PLCG2: variants seen among roughly 807,000 people sequenced by gnomAD.
PLCG2 encodes phospholipase C gamma 2.
PLCG2 carries 69 observed loss-of-function variants against 175.6 expected under a neutral mutation model. The ratio of observed to expected loss-of-function variants is 0.39; its 90% CI spans 0.32 to 0.48. PLCG2 has a LOEUF of 0.48. PLCG2 is among the 20% of genes least tolerant of loss of function. The pLI is 0.91. For missense variants in PLCG2, 1,798 were observed against 1,650.9 expected, an observed-to-expected ratio of 1.09 and a Z score of -1.54; for synonymous variants, 827 against 624.0, an observed-to-expected ratio of 1.33 and a Z score of -4.85.
At chr16:81,951,684 A>C (rs1255010823) in intron 31 of PLCG2, among the ~76,000 whole-genome samples, 1 of 152,246 alleles carries the variant, frequency 6.6e-6, no homozygotes, top group Non-Finnish European at 1.5e-5. Flanking sequence ...TAAACTTCAA[A>C]AAATAGCAAA....
intron 14 of PLCG2, among the ~76,000 whole-genome samples, chr16:81,903,919 G>A (rs184364683): frequency 2.9e-4 from 44 of 152,312 alleles, no homozygotes; most frequent in South Asian, 2.1e-4. Flanking sequence ...TGGAAATAGC[G>A]TTGGCCACAC....
At chr16:81,875,474 A>G (rs907263303) in intron 7 of PLCG2, among the ~76,000 whole-genome samples, 2 of 152,156 alleles carry the variant, frequency 1.3e-5, no homozygotes, top group African/African-American at 2.4e-5. Flanking sequence ...TTAATTTTTG[A>G]ATCCTTTGTA....
At chr16:81,859,728 G>A (rs977699567) in intron 5 of PLCG2, among the ~76,000 whole-genome samples, 5 of 152,160 alleles carry the variant, frequency 3.3e-5, no homozygotes, top group Admixed American at 6.5e-5. Context: ...AGTAGAGACA[G>A]GGTTTCACCA....
chr16:81,867,797 A>C (rs985799974), intron 5 of PLCG2, among the ~76,000 whole-genome samples: 2 of 151,660 alleles, frequency 1.3e-5, no homozygotes, highest in African/African-American at 4.8e-5. Context: ...TCCCGAATTC[A>C]CGCCATTCTT....
chr16:81,900,551 T>C, intron 13 of PLCG2, 61 bp from the exon 14 acceptor site: 1 of 1,461,344 alleles, frequency 6.8e-7, no homozygotes. Flanking sequence ...GGCCCCTCTG[T>C]GGGGCAGATG....
intron 2 of PLCG2, among the ~76,000 whole-genome samples, chr16:81,799,629 C>G (rs562579054): frequency 7.1e-6 from 1 of 139,974 alleles, no homozygotes; most frequent in Non-Finnish European, 1.5e-5. Context: ...GACAGAGTCT[C>G]GCTCTATTGC....
chr16:81,828,235 ATTTTTTTTT>A (rs67992648), intron 2 of PLCG2, among the ~76,000 whole-genome samples: 21 of 59,370 alleles, frequency 3.5e-4, no homozygotes, highest in Admixed American at 3.0e-3. Flanking sequence ...GAGAAATGTC[ATTTTTTTTT>A]TTTTTTTTTT....
At chr16:81,935,993 A>G (rs1309008986) in intron 26 of PLCG2, 176 bp from the exon 27 acceptor site, 2 of 985,222 alleles carry the variant, frequency 2.0e-6, no homozygotes, top group African/African-American at 3.5e-5. Flanking sequence ...GAACCCCCAG[A>G]GGGCAAGAGT....
At chr16:81,840,787 C>T (rs1905780843) in intron 2 of PLCG2, among the ~76,000 whole-genome samples, 4 of 152,178 alleles carry the variant, frequency 2.6e-5, no homozygotes, top group Admixed American at 1.3e-4. Flanking sequence ...ATTGGGGACC[C>T]CTGTCTTGGA....
chr16:81,801,102 G>C (rs368694820), intron 2 of PLCG2, among the ~76,000 whole-genome samples: 24 of 152,174 alleles, frequency 1.6e-4, no homozygotes, highest in East Asian at 1.5e-3. Context: ...CTCGTCTCCA[G>C]AGCTGCAAGA....
chr16:81,925,015 G>T (rs183590720), intron 22 of PLCG2, among the ~76,000 whole-genome samples: 2 of 152,372 alleles, frequency 1.3e-5, no homozygotes, highest in East Asian at 3.9e-4. Context: ...CGCACTGGGT[G>T]GGTGACTAAC....
intron 7 of PLCG2, among the ~76,000 whole-genome samples, chr16:81,872,945 G>C (rs1325838983): frequency 6.6e-6 from 1 of 152,246 alleles, no homozygotes; most frequent in East Asian, 1.9e-4. Context: ...CCACCTGATG[G>C]GTGACCACTG....
chr16:81,755,076 C>T (rs895830863), intron 1 of PLCG2, among the ~76,000 whole-genome samples: 1 of 152,072 alleles, frequency 6.6e-6, no homozygotes, highest in Non-Finnish European at 1.5e-5. Flanking sequence ...TTGTGGTAGG[C>T]ATCAGATGAG....
At chr16:81,870,776 T>G in intron 6 of PLCG2, 76 bp from the exon 7 acceptor site, 1 of 739,944 alleles carries the variant, frequency 1.4e-6, no homozygotes, top group Non-Finnish European at 2.2e-6. Context: ...GAAACAAAAA[T>G]TATTCTATAA....
intron 2 of PLCG2, among the ~76,000 whole-genome samples, chr16:81,812,648 A>T (rs975087347): frequency 3.3e-5 from 5 of 152,104 alleles, no homozygotes; most frequent in Non-Finnish European, 5.9e-5. Context: ...GCTCACTCTG[A>T]TGATAGTTTC....
chr16:81,761,995 C>T (rs1268641006), intron 2 of PLCG2, among the ~76,000 whole-genome samples: 1 of 151,850 alleles, frequency 6.6e-6, no homozygotes, highest in African/African-American at 2.4e-5. Context: ...CCACGCCCAG[C>T]TACTTTTTGT....
chr16:81,957,047 C>A (rs1169434338), intron 32 of PLCG2, among the ~76,000 whole-genome samples, 168 bp downstream of exon 32: 1 of 151,870 alleles, frequency 6.6e-6, no homozygotes, highest in African/African-American at 2.4e-5. Context: ...GCCTGTAATC[C>A]CAGCACTTTG....
intron 2 of PLCG2, among the ~76,000 whole-genome samples, chr16:81,848,904 A>T (rs1906259228): frequency 1.3e-5 from 2 of 152,044 alleles, no homozygotes; most frequent in South Asian, 4.2e-4. Flanking sequence ...AGGCATTGGG[A>T]GGTTTTCTGA....
chr16:81,817,221 C>A (rs981672185), intron 2 of PLCG2, among the ~76,000 whole-genome samples: 3 of 151,872 alleles, frequency 2.0e-5, no homozygotes, highest in African/African-American at 7.3e-5. Context: ...ATATTTAGGC[C>A]GAGATCCGAT....
Sources: gnomAD v4.1 joint callset for allele counts (sites outside exome capture counted in the v4.1 genomes callset) on GRCh38, gnomAD v4.1.1 for gene constraint, MANE v1.5 for transcripts, NCBI Gene and HGNC (gene_info 2026-07-23, HGNC 2026-07-21) for gene names.